The following NFIB variants were observed in gnomAD, a reference collection of about 807,000 sequenced individuals.
NFIB encodes the protein nuclear factor 1 B-type.
Under a neutral mutation model 61.5 loss-of-function variants are expected in NFIB, and 11 were observed. The ratio of observed to expected loss-of-function variants is 0.18; its 90% confidence interval spans 0.11 to 0.30. The LOEUF is 0.30. Ranked by LOEUF, NFIB falls within the 10% of genes least tolerant of loss-of-function variation. The pLI, the probability that NFIB is intolerant of heterozygous loss-of-function variation, is 1.00. For synonymous variants in NFIB, 260 were observed against 216.5 expected (o/e 1.20, Z -1.76); for missense variants, 471 against 608.9 (o/e 0.77, Z 2.38).
intron 1 of NFIB, among the ~76,000 whole-genome samples, chr9:14,350,648 A>G (rs2061097657): frequency 6.6e-6 from 1 of 152,184 alleles, no homozygotes; most frequent in Non-Finnish European, 1.5e-5. Flanking sequence ...GTATAATATC[A>G]GGCGCTGCCA....
chr9:14,205,022 A>G, intron 2 of NFIB: 1 of 266,582 alleles, frequency 3.8e-6, no homozygotes, highest in Non-Finnish European at 7.5e-6. Context: ...AAAGCTAAAG[A>G]ACTTGCCACC....
intron 1 of NFIB, among the ~76,000 whole-genome samples, chr9:14,329,719 T>C (rs1314530569): frequency 6.6e-6 from 1 of 151,636 alleles, no homozygotes; most frequent in African/African-American, 2.4e-5. Context: ...TTCACCATAT[T>C]GCCCAGGCTG....
At chr9:14,222,140 C>A (rs533329920) in intron 2 of NFIB, among the ~76,000 whole-genome samples, 2 of 152,194 alleles carry the variant, frequency 1.3e-5, no homozygotes, top group African/African-American at 2.4e-5. Context: ...CCCTTGTCAA[C>A]TGTTTCCAGT....
chr9:14,187,288 C>G (rs1305717512), intron 2 of NFIB, among the ~76,000 whole-genome samples: 1 of 152,034 alleles, frequency 6.6e-6, no homozygotes, highest in Admixed American at 6.6e-5. Context: ...TCCTCCTAAA[C>G]CCAGTTCTGA....
chr9:14,231,252 C>T (rs866547381), intron 2 of NFIB, among the ~76,000 whole-genome samples: 1 of 146,622 alleles, frequency 6.8e-6, no homozygotes, highest in Non-Finnish European at 1.5e-5. Flanking sequence ...AAAAGAAAAA[C>T]TATTTGCTCC....
At chr9:14,367,895 G>T (rs551982939) in intron 1 of NFIB, among the ~76,000 whole-genome samples, 39 of 152,268 alleles carry the variant, frequency 2.6e-4, no homozygotes, top group African/African-American at 8.9e-4. Flanking sequence ...GAGGGGCTAA[G>T]GGAGGGATAG....
At chr9:14,197,889 G>C (rs1209395756) in intron 2 of NFIB, among the ~76,000 whole-genome samples, 1 of 152,114 alleles carries the variant, frequency 6.6e-6, no homozygotes, top group African/African-American at 2.4e-5. Context: ...TTCTCACCAA[G>C]AAAGACAGCA....
the NFIB span, among the ~76,000 whole-genome samples, chr9:14,452,014 C>G: frequency 6.6e-6 from 1 of 152,106 alleles, no homozygotes; most frequent in Non-Finnish European, 1.5e-5. Context: ...ACAAGTTAAT[C>G]CGGGATGTCT....
At chr9:14,215,602 G>A (rs779079805) in intron 2 of NFIB, among the ~76,000 whole-genome samples, 7 of 152,280 alleles carry the variant, frequency 4.6e-5, no homozygotes, top group Non-Finnish European at 7.4e-5. Flanking sequence ...AAAGTGATCA[G>A]ATAATTTACA....
chr9:14,231,424 G>A (rs1009682455), intron 2 of NFIB, among the ~76,000 whole-genome samples: 1 of 151,858 alleles, frequency 6.6e-6, no homozygotes, highest in Non-Finnish European at 1.5e-5. Context: ...GAGGGAAAAC[G>A]AGGCTGGCAC....
chr9:14,336,772 C>T (rs1373542889), intron 1 of NFIB, among the ~76,000 whole-genome samples: 1 of 151,730 alleles, frequency 6.6e-6, no homozygotes, highest in Non-Finnish European at 1.5e-5. Flanking sequence ...TTATTTTGTG[C>T]TTTTTTCCCT....
chr9:14,383,643 T>C (rs2061514477), intron 1 of NFIB, among the ~76,000 whole-genome samples: 1 of 152,246 alleles, frequency 6.6e-6, no homozygotes. Flanking sequence ...CAGATCTCTT[T>C]TAAGACCAGA....
At position 14,139,582 on chromosome 9, in the gene NFIB, G is replaced by A. The variant is rs1399340992; in HGVS notation, c.925+7107C>T. Among the ~76,000 whole-genome samples, 3 of 152,042 alleles carry A rather than the reference G, an allele frequency of 2.0e-5. No individual in the cohort carries two copies. The East Asian group carries it at 5.8e-4, about 29-fold the overall frequency. ...ACTAATTATCTATTGTGGTTTTTCT[G>A]CAAAATGCTGTATTTTCAAATCTTT... On this transcript the variant is annotated intron_variant, in intron 6 of 10. Coordinates refer to ENST00000380953, the MANE Select transcript of NFIB (RefSeq NM_001190737.2).
chr9:14,497,134 T>C, the NFIB span, among the ~76,000 whole-genome samples: 1 of 152,234 alleles, frequency 6.6e-6, no homozygotes, highest in South Asian at 2.1e-4. Context: ...AAAGATAATT[T>C]GAGGGTCTTA....
At chr9:14,157,911 G>C (rs1587132547) in intron 3 of NFIB, among the ~76,000 whole-genome samples, 1 of 152,028 alleles carries the variant, frequency 6.6e-6, no homozygotes, top group South Asian at 2.1e-4. Context: ...AGGAGTTTGA[G>C]ACCAGCCTGG....
chr9:14,261,739 T>C (rs1281918776), intron 2 of NFIB, among the ~76,000 whole-genome samples: 1 of 152,194 alleles, frequency 6.6e-6, no homozygotes, highest in African/African-American at 2.4e-5. Flanking sequence ...GGACAAAGTC[T>C]GTTGGGCCCA....
the NFIB span, among the ~76,000 whole-genome samples, chr9:14,531,167 TACA>T: frequency 6.6e-6 from 1 of 152,174 alleles, no homozygotes; most frequent in Admixed American, 6.5e-5. Context: ...TACAGAAAGT[TACA>T]ACTTCTCTCT....
chr9:14,396,552 A>C (rs189335087), intron 1 of NFIB, among the ~76,000 whole-genome samples: 2 of 152,252 alleles, frequency 1.3e-5, no homozygotes, highest in East Asian at 3.9e-4. Context: ...TTGGGGAAAA[A>C]AAAACAAACC....
chr9:14,164,443 G>C (rs1286382284), intron 3 of NFIB, among the ~76,000 whole-genome samples: 2 of 152,044 alleles, frequency 1.3e-5, no homozygotes, highest in Non-Finnish European at 2.9e-5. Flanking sequence ...GGGATTTTAA[G>C]ACAATGGTAT....
Sources: gnomAD v4.1 joint callset for allele counts (sites outside exome capture counted in the v4.1 genomes callset) on GRCh38, gnomAD v4.1.1 for gene constraint, MANE v1.5 for transcripts, NCBI Gene and HGNC (gene_info 2026-07-23, HGNC 2026-07-21) for gene names.